Variants in NSUN6 observed in about 807,000 individuals in gnomAD.
NSUN6 encodes the protein NOP2/Sun RNA methyltransferase 6.
Under a neutral mutation model 58.0 loss-of-function variants are expected in NSUN6, and 64 were observed. The observed-to-expected ratio is 1.10, with a 90% CI of 0.90 to 1.36. The LOEUF (loss-of-function observed/expected upper bound fraction) is 1.36, where lower values mean the gene tolerates loss of function less well. Among genes scored for constraint, NSUN6 ranks in the 40% most tolerant of loss-of-function variants. NSUN6 has a pLI of 0.00. For missense variants in NSUN6, 701 were observed against 550.1 expected (o/e 1.27, Z -2.74); for synonymous variants, 231 against 193.9 (o/e 1.19, Z -1.59).
At chr10:18,580,516 T>C (rs2056857922) in intron 8 of NSUN6, among the ~76,000 whole-genome samples, 1 of 152,176 alleles carries the variant, frequency 6.6e-6, no homozygotes, top group South Asian at 2.1e-4. Flanking sequence ...CTGGGGGCTA[T>C]CTTCCTCCAC....
intron 3 of NSUN6, among the ~76,000 whole-genome samples, chr10:18,619,986 T>C (rs768534124): frequency 6.6e-6 from 1 of 152,174 alleles, no homozygotes; most frequent in Non-Finnish European, 1.5e-5. Context: ...AAACATTAAA[T>C]TGATTTCACA....
chr10:18,602,722 G>C (rs914174805), intron 6 of NSUN6, among the ~76,000 whole-genome samples: 1 of 152,130 alleles, frequency 6.6e-6, no homozygotes. Flanking sequence ...TGGCAGTCCA[G>C]TCTCCTCCCT....
intron 8 of NSUN6, among the ~76,000 whole-genome samples, chr10:18,568,623 CTCCATTCCAT>C (rs1000188861): frequency 6.6e-6 from 1 of 150,762 alleles, no homozygotes; most frequent in Non-Finnish European, 1.5e-5. Context: ...GCATTCCATT[CTCCATTCCAT>C]TCCATTCTCT....
At chr10:18,621,292 C>T (rs1272037288) in intron 3 of NSUN6, among the ~76,000 whole-genome samples, 1 of 152,110 alleles carries the variant, frequency 6.6e-6, no homozygotes, top group Non-Finnish European at 1.5e-5. Flanking sequence ...TGGAAGAGGA[C>T]TCTGGAAGCT....
chr10:18,583,191 C>A (rs145316532), intron 8 of NSUN6, among the ~76,000 whole-genome samples: 1 of 152,182 alleles, frequency 6.6e-6, no homozygotes, highest in African/African-American at 2.4e-5. Context: ...GACAATAAGT[C>A]TTAGGATCTC....
chr10:18,618,782 A>G (rs1369531137), intron 3 of NSUN6, among the ~76,000 whole-genome samples: 3 of 150,924 alleles, frequency 2.0e-5, no homozygotes, highest in Non-Finnish European at 4.4e-5. Flanking sequence ...ATAATTTCCT[A>G]AGAGTCATCT....
chr10:18,612,268 A>G (rs1488796689), intron 5 of NSUN6, among the ~76,000 whole-genome samples: 1 of 152,074 alleles, frequency 6.6e-6, no homozygotes, highest in Non-Finnish European at 1.5e-5. Context: ...AAAAAAAATT[A>G]AAATATCAGC....
chr10:18,578,488 C>T (rs1392499374), intron 8 of NSUN6, among the ~76,000 whole-genome samples: 3 of 152,210 alleles, frequency 2.0e-5, no homozygotes, highest in African/African-American at 2.4e-5. Flanking sequence ...TGGTAGGTGG[C>T]CCTTCCTGTC....
At chr10:18,631,080 G>A (rs559540104) in intron 3 of NSUN6, among the ~76,000 whole-genome samples, 1 of 152,238 alleles carries the variant, frequency 6.6e-6, no homozygotes, top group Admixed American at 6.5e-5. Flanking sequence ...TCATCCCTGG[G>A]ATGCAAGGCT....
At chr10:18,570,891 T>TTCCATTCCATTC (rs899337904) in intron 8 of NSUN6, among the ~76,000 whole-genome samples, 2 of 151,588 alleles carry the variant, frequency 1.3e-5, no homozygotes, top group Non-Finnish European at 3.0e-5. Context: ...GCATTCTCCA[T>TTCCATTCCATTC]TCCATTCCAT....
rs1000519836 is a variant in NSUN6 at position 18,609,901 on chromosome 10, G to A, written c.601C>T (p.Pro201Ser). 6.2e-7 allele frequency: 1 copy of A among 1,603,100 alleles called. No homozygotes were observed. The highest frequency in any genetic ancestry group is 1.3e-5 in the African/African-American group (1 of 74,702). Residue 201 changes from proline (P) to serine (S), a missense_variant, in exon 6 of 11, where the codon CCA becomes TCA. Transcript: ENST00000377304. ...TCAAATGAAGGGCTGAGATATACTG[G>A]TTCTGTCATTCTTATGCCCATGCCT... ...LKGMGIRMTEPVYLSPSFDSV... is the reference protein window; with the variant it reads ...LKGMGIRMTESVYLSPSFDSV...
chr10:18,570,804 T>A (rs1177426318), intron 8 of NSUN6, among the ~76,000 whole-genome samples: 1 of 147,212 alleles, frequency 6.8e-6, no homozygotes, highest in Non-Finnish European at 1.5e-5. Context: ...CATACCATCC[T>A]CCATTCCACT....
chr10:18,548,168 C>A lies in NSUN6; in HGVS notation c.1141G>T (p.Glu381Ter). 6.2e-7 allele frequency: 1 copy of A among 1,613,834 alleles called. No individual in the cohort carries two copies. Among genetic ancestry groups the A allele is most frequent in the Non-Finnish European group, 8.5e-7 (1 of 1,179,834 alleles). Residue 381 changes from glutamate (E) to a stop codon, truncating the protein, a stop_gained, in exon 10 of 11, where the codon GAA (glutamate) becomes TAA (stop). Transcript: ENST00000377304. LOFTEE classifies it high-confidence loss of function. ...STCTITLAENEEQVAWALTKF... is the reference protein window; with the variant it reads ...STCTITLAEN ...GTCAGGGCCCAGGCAACCTGTTCTTCATTTTCGGCCAGTGTTATAGTGCAC... is the reference window on the plus strand; with the variant it reads ...GTCAGGGCCCAGGCAACCTGTTCTTAATTTTCGGCCAGTGTTATAGTGCAC...
chr10:18,638,967 A>AC (rs1178230507), intron 3 of NSUN6, among the ~76,000 whole-genome samples: 7 of 151,342 alleles, frequency 4.6e-5, no homozygotes, highest in South Asian at 2.1e-4. Context: ...AAAAAAAAAA[A>AC]AAACTGGCCG....
At chr10:18,652,465 G>A (rs1489081743), upstream of NSUN6, 1 of 983,080 alleles carries the variant, frequency 1.0e-6, no homozygotes, top group East Asian at 1.1e-4. Flanking sequence ...ACATAGAACA[G>A]GTACTTTCCA....
At chr10:18,605,980 G>C (rs540844787) in intron 6 of NSUN6, among the ~76,000 whole-genome samples, 1 of 152,140 alleles carries the variant, frequency 6.6e-6, no homozygotes, top group Non-Finnish European at 1.5e-5. Flanking sequence ...ACTGAAGATA[G>C]TAAGTGAGAT....
intron 8 of NSUN6, among the ~76,000 whole-genome samples, chr10:18,554,411 T>C (rs1367176521): frequency 6.8e-6 from 1 of 146,316 alleles, no homozygotes; most frequent in Non-Finnish European, 1.5e-5. Flanking sequence ...GAGAATGGAA[T>C]AGAGAATGGA....
At chr10:18,595,098 C>T (rs1457615393) in intron 7 of NSUN6, among the ~76,000 whole-genome samples, 4 of 152,116 alleles carry the variant, frequency 2.6e-5, no homozygotes, top group Non-Finnish European at 5.9e-5. Flanking sequence ...TTAGATGAGC[C>T]AACAACCATC....
At chr10:18,630,556 A>G (rs1187313467) in intron 3 of NSUN6, among the ~76,000 whole-genome samples, 1 of 152,248 alleles carries the variant, frequency 6.6e-6, no homozygotes, top group African/African-American at 2.4e-5. Flanking sequence ...GATGCGATAA[A>G]AAATGACAAA....
Sources: gnomAD v4.1 joint callset for allele counts (sites outside exome capture counted in the v4.1 genomes callset) on GRCh38, gnomAD v4.1.1 for gene constraint, MANE v1.5 for transcripts, NCBI Gene and HGNC (gene_info 2026-07-23, HGNC 2026-07-21) for gene names.